Variants in MEGF11 observed in about 807,000 individuals in gnomAD.
MEGF11 encodes the protein multiple EGF like domains 11, also known as multiple epidermal growth factor-like domains protein 11.
MEGF11 carries 126 observed loss-of-function variants against 146.6 expected under a neutral mutation model. That is an observed-to-expected ratio of 0.86 (90% CI 0.74 to 1.00). The LOEUF (loss-of-function observed/expected upper bound fraction) is 1.00. Ranked by LOEUF, MEGF11 falls within the 50% of genes least tolerant of loss-of-function variation. The pLI, the probability that MEGF11 is intolerant of heterozygous loss-of-function variation, is 0.00. For synonymous variants in MEGF11, 532 were observed against 583.4 expected, an observed-to-expected ratio of 0.91 and a Z score of 1.27; for missense variants, 1,509 against 1,521.2, an observed-to-expected ratio of 0.99 and a Z score of 0.13.
chr15:66,050,894 G>A (rs1054971294), intron 5 of MEGF11, among the ~76,000 whole-genome samples: 2 of 152,262 alleles, frequency 1.3e-5, no homozygotes, highest in African/African-American at 4.8e-5. Context: ...ACTGCCCTCT[G>A]GGGGTTTAAA....
chr15:66,229,786 G>T (rs534027708), intron 1 of MEGF11, among the ~76,000 whole-genome samples: 3 of 152,306 alleles, frequency 2.0e-5, no homozygotes, highest in African/African-American at 7.2e-5. Flanking sequence ...GAGGCCCCAG[G>T]ACAAGGACAC....
At chr15:66,125,542 T>C (rs1245885518) in intron 2 of MEGF11, among the ~76,000 whole-genome samples, 1 of 152,200 alleles carries the variant, frequency 6.6e-6, no homozygotes, top group Non-Finnish European at 1.5e-5. Flanking sequence ...GTTTGACTCA[T>C]ATAAGCCTCT....
At chr15:66,159,944 A>G (rs941599160) in intron 1 of MEGF11, among the ~76,000 whole-genome samples, 1 of 152,124 alleles carries the variant, frequency 6.6e-6, no homozygotes, top group African/African-American at 2.4e-5. Flanking sequence ...AGATCAGGAA[A>G]AGGCAGGAAA....
chr15:66,037,033 C>T (rs80044738), intron 5 of MEGF11, among the ~76,000 whole-genome samples: 2 of 152,402 alleles, frequency 1.3e-5, no homozygotes, highest in Non-Finnish European at 2.9e-5. Flanking sequence ...ATAACCTACG[C>T]TGTCTCTTAG....
At chr15:66,039,173 A>C (rs1465833678) in intron 5 of MEGF11, among the ~76,000 whole-genome samples, 1 of 152,140 alleles carries the variant, frequency 6.6e-6, no homozygotes, top group East Asian at 1.9e-4. Context: ...GGGATGCATC[A>C]CTCCACCGAA....
intron 5 of MEGF11, among the ~76,000 whole-genome samples, chr15:66,004,724 A>G (rs916703166): frequency 4.6e-5 from 7 of 152,056 alleles, no homozygotes; most frequent in African/African-American, 7.2e-5. Flanking sequence ...GGCACTCAAT[A>G]TTGTGGGAGT....
chr15:66,065,087 G>A (rs1351033), intron 5 of MEGF11, among the ~76,000 whole-genome samples: 120,371 of 152,136 alleles, frequency 0.79, 50,675 homozygotes, highest in East Asian at 0.94. Flanking sequence ...CACAGTCACA[G>A]CTCAGAGGCA....
intron 1 of MEGF11, among the ~76,000 whole-genome samples, chr15:66,131,186 G>A (rs1353857765): frequency 6.6e-6 from 1 of 152,198 alleles, no homozygotes; most frequent in African/African-American, 2.4e-5. Context: ...GATGGACTGG[G>A]CAGGGCGGAT....
At chr15:66,039,708 C>T (rs1188625957) in intron 5 of MEGF11, among the ~76,000 whole-genome samples, 1 of 152,170 alleles carries the variant, frequency 6.6e-6, no homozygotes, top group Non-Finnish European at 1.5e-5. Flanking sequence ...AGCCCGGCAC[C>T]TCCAGACAGA....
At chr15:66,195,494 G>A (rs1335383088) in intron 1 of MEGF11, among the ~76,000 whole-genome samples, 2 of 152,210 alleles carry the variant, frequency 1.3e-5, no homozygotes, top group Non-Finnish European at 2.9e-5. Context: ...TGTGCAGGTT[G>A]TTTATTTGGG....
chr15:66,241,072 A>G (rs1451691833), intron 1 of MEGF11, among the ~76,000 whole-genome samples: 1 of 152,204 alleles, frequency 6.6e-6, no homozygotes, highest in Non-Finnish European at 1.5e-5. Context: ...GCAAGCAGGC[A>G]ATAGGCACAA....
At chr15:66,172,482 C>T (rs951659938) in intron 1 of MEGF11, among the ~76,000 whole-genome samples, 4 of 152,138 alleles carry the variant, frequency 2.6e-5, no homozygotes, top group Admixed American at 1.3e-4. Context: ...GAGGGAGGGG[C>T]GTGAGGCTGG....
At chr15:66,018,319 G>A (rs558113508) in intron 5 of MEGF11, among the ~76,000 whole-genome samples, 24 of 152,312 alleles carry the variant, frequency 1.6e-4, no homozygotes, top group Non-Finnish European at 2.2e-4. Context: ...GAGTCCTTCC[G>A]CCTTGCCCAG....
At chr15:66,006,992 C>G (rs1232253018) in intron 5 of MEGF11, among the ~76,000 whole-genome samples, 1 of 152,244 alleles carries the variant, frequency 6.6e-6, no homozygotes, top group Non-Finnish European at 1.5e-5. Context: ...CACATTCTTT[C>G]TATTAGCCTG....
chr15:66,114,023 G>A (rs1443490002), intron 4 of MEGF11, among the ~76,000 whole-genome samples: 1 of 152,196 alleles, frequency 6.6e-6, no homozygotes, highest in East Asian at 1.9e-4. Flanking sequence ...TGGGACTGGG[G>A]CCCAGCAGTC....
intron 1 of MEGF11, among the ~76,000 whole-genome samples, chr15:66,211,096 C>T (rs559487054): frequency 6.6e-6 from 1 of 152,310 alleles, no homozygotes; most frequent in South Asian, 2.1e-4. Flanking sequence ...CTCCAAGGTG[C>T]ACCTCACCAG....
At chr15:66,191,083 G>T (rs191651304) in intron 1 of MEGF11, among the ~76,000 whole-genome samples, 1 of 152,082 alleles carries the variant, frequency 6.6e-6, no homozygotes, top group Non-Finnish European at 1.5e-5. Flanking sequence ...TTTCTCCCCC[G>T]ATATCAGGCC....
intron 1 of MEGF11, among the ~76,000 whole-genome samples, chr15:66,186,609 G>T (rs549856951): frequency 3.7e-4 from 56 of 152,316 alleles, no homozygotes; most frequent in Non-Finnish European, 6.0e-4. Context: ...CATCTCTCGA[G>T]CCCCGGGCTG....
chr15:66,018,171 C>T (rs890867172), intron 5 of MEGF11, among the ~76,000 whole-genome samples: 2 of 151,998 alleles, frequency 1.3e-5, no homozygotes, highest in African/African-American at 4.8e-5. Context: ...GCCACAGAGC[C>T]GGGGAGTCTC....
Sources: allele counts gnomAD v4.1 joint callset (sites outside exome capture counted in the v4.1 genomes callset), GRCh38; gene constraint gnomAD v4.1.1; transcripts MANE v1.5; gene names NCBI Gene and HGNC (gene_info 2026-07-23, HGNC 2026-07-21).